ADAMTS9: variants seen among roughly 807,000 people sequenced by gnomAD.
ADAMTS9 encodes A disintegrin and metalloproteinase with thrombospondin motifs 9.
ADAMTS9 carries 107 observed loss-of-function variants against 257.1 expected under a neutral mutation model. The ratio of observed to expected loss-of-function variants is 0.42; its 90% CI spans 0.36 to 0.49. ADAMTS9 has a LOEUF of 0.49. Among genes scored for constraint, ADAMTS9 ranks in the 20% least tolerant of loss-of-function variants. The pLI is 0.03. For missense variants in ADAMTS9, 2,353 were observed against 2,469.1 expected, an observed-to-expected ratio of 0.95 and a Z score of 1.00; for synonymous variants, 982 against 880.9, an observed-to-expected ratio of 1.11 and a Z score of -2.03.
chr3:64,610,946 C>T (rs772469667), intron 22 of ADAMTS9, among the ~76,000 whole-genome samples: 13 of 151,492 alleles, frequency 8.6e-5, no homozygotes, highest in South Asian at 2.1e-4. Flanking sequence ...CATGGTGGCA[C>T]GCACCTGTAA....
At chr3:64,664,974 T>G (rs1448042420) in intron 3 of ADAMTS9, among the ~76,000 whole-genome samples, 2 of 152,198 alleles carry the variant, frequency 1.3e-5, no homozygotes, top group Admixed American at 6.5e-5. Flanking sequence ...TTAATCATGT[T>G]TACTTAATTA....
At chr3:64,598,383 T>A (rs1287794740) in intron 26 of ADAMTS9, among the ~76,000 whole-genome samples, 1 of 151,254 alleles carries the variant, frequency 6.6e-6, no homozygotes, top group Non-Finnish European at 1.5e-5. Context: ...AGTGGTGCGA[T>A]CACAGGTTAC....
chr3:64,612,204 GA>G (rs112869289), intron 22 of ADAMTS9, among the ~76,000 whole-genome samples: 4,585 of 150,610 alleles, frequency 0.03, 217 homozygotes, highest in African/African-American at 0.1. Context: ...TCAGTTCAAG[GA>G]AAAAAAAAGA....
intron 37 of ADAMTS9, among the ~76,000 whole-genome samples, chr3:64,536,082 G>A (rs1238925675): frequency 6.6e-6 from 1 of 152,116 alleles, no homozygotes; most frequent in African/African-American, 2.4e-5. Context: ...TCTGGACAAT[G>A]CCCCCAGCCG....
intron 38 of ADAMTS9, among the ~76,000 whole-genome samples, chr3:64,529,307 G>C (rs1199770622): frequency 6.6e-6 from 1 of 152,212 alleles, no homozygotes; most frequent in Non-Finnish European, 1.5e-5. Flanking sequence ...CAGCGTTACT[G>C]TTCTTCAAGT....
intron 12 of ADAMTS9, among the ~76,000 whole-genome samples, chr3:64,636,371 G>A (rs1256971179): frequency 6.6e-6 from 1 of 152,168 alleles, no homozygotes; most frequent in East Asian, 1.9e-4. Context: ...TTGAATCCCA[G>A]CTATGCCTCT....
At chr3:64,554,006 C>A (rs2083301170) in intron 30 of ADAMTS9, among the ~76,000 whole-genome samples, 2 of 152,028 alleles carry the variant, frequency 1.3e-5, no homozygotes, top group South Asian at 4.2e-4. Context: ...AATACTTAAC[C>A]ACCCATAGAA....
Position 64,687,716 on chromosome 3 carries a change from T to G in ADAMTS9, c.-59A>C. ...CCCCCTCCCTCCTGCCCTCCTTGGCTGCGGCGGCGACGCGAGGCAGCGGCC... is the reference window on the plus strand; with the variant it reads ...CCCCCTCCCTCCTGCCCTCCTTGGCGGCGGCGGCGACGCGAGGCAGCGGCC... On this transcript the variant is annotated 5_prime_UTR_variant, in exon 1 of 40. Transcript: ENST00000498707. This position sits in a 1 kb window ranked among gnomAD's most constrained non-coding sequence, Gnocchi z 4.4. 1 of 1,303,132 alleles carries G rather than the reference T, an allele frequency of 7.7e-7. No individual in the cohort carries two copies. The highest frequency in any genetic ancestry group is 1.6e-5 in the South Asian group (1 of 61,472). The allele number at this position is 1,303,132 out of a possible 1,614,324, so 80.7% of individuals were successfully genotyped here. A position where few individuals can be genotyped will look rare whatever the true frequency, so the allele number is the denominator to read the frequency against.
chr3:64,671,475 A>G (rs1701486003), intron 3 of ADAMTS9, among the ~76,000 whole-genome samples: 1 of 152,246 alleles, frequency 6.6e-6, no homozygotes, highest in Non-Finnish European at 1.5e-5. Flanking sequence ...AAATGGAAGG[A>G]AAACACTAGG....
At chr3:64,672,901 C>T (rs1471897981) in intron 3 of ADAMTS9, among the ~76,000 whole-genome samples, 1 of 151,892 alleles carries the variant, frequency 6.6e-6, no homozygotes, top group East Asian at 1.9e-4. Flanking sequence ...CTCCTAAGAT[C>T]GTAATACTAA....
At chr3:64,674,653 G>A (rs991898443) in intron 3 of ADAMTS9, among the ~76,000 whole-genome samples, 1 of 152,190 alleles carries the variant, frequency 6.6e-6, no homozygotes, top group Non-Finnish European at 1.5e-5. Context: ...AGGCAGACAA[G>A]TTCCTAGCAT....
intron 38 of ADAMTS9, among the ~76,000 whole-genome samples, chr3:64,529,599 T>C (rs1475232556): frequency 1.3e-5 from 2 of 151,996 alleles, no homozygotes; most frequent in Admixed American, 6.5e-5. Context: ...AGGTATCGAG[T>C]GGGAACAGGA....
intron 28 of ADAMTS9, among the ~76,000 whole-genome samples, chr3:64,591,232 G>A (rs1439646864): frequency 2.6e-5 from 4 of 152,124 alleles, no homozygotes; most frequent in Admixed American, 1.3e-4. Flanking sequence ...CTGAAGTCAT[G>A]AGTTTGAAAC....
At chr3:64,654,680 A>C in intron 6 of ADAMTS9, 68 bp from the exon 7 acceptor site, 9 of 1,545,648 alleles carry the variant, frequency 5.8e-6, no homozygotes, top group Non-Finnish European at 8.0e-6. Flanking sequence ...TAAATACTTT[A>C]GGGTCGTCTA....
intron 38 of ADAMTS9, among the ~76,000 whole-genome samples, chr3:64,528,331 CGT>C (rs1559747596): frequency 5.9e-5 from 9 of 152,114 alleles, no homozygotes; most frequent in Middle Eastern, 3.2e-3. Context: ...CATTCCCACA[CGT>C]TGGAGAGTTG....
chr3:64,545,894 C>T (rs113777448), intron 32 of ADAMTS9, among the ~76,000 whole-genome samples: 1,852 of 152,290 alleles, frequency 0.012, 33 homozygotes, highest in African/African-American at 0.04. Context: ...CCATGCCTGG[C>T]TGCCTGACAA....
chr3:64,552,575 CTTTT>C (rs113655800), intron 30 of ADAMTS9, among the ~76,000 whole-genome samples: 1 of 139,250 alleles, frequency 7.2e-6, no homozygotes, highest in Non-Finnish European at 1.6e-5. Context: ...CTTTTCTTTC[CTTTT>C]TTTTTTTTTT....
chr3:64,615,648 C>G (rs1227848874), intron 20 of ADAMTS9, among the ~76,000 whole-genome samples, 163 bp from the exon 21 acceptor site: 1 of 151,932 alleles, frequency 6.6e-6, no homozygotes, highest in African/African-American at 2.4e-5. Context: ...GTTTGCTTAC[C>G]AGGTTTATAA....
chr3:64,530,958 T>C (rs2082973531), intron 38 of ADAMTS9, among the ~76,000 whole-genome samples: 1 of 152,158 alleles, frequency 6.6e-6, no homozygotes, highest in African/African-American at 2.4e-5. Context: ...TGTATAGATT[T>C]TGGAGGGAAG....
Sources: allele counts gnomAD v4.1 joint callset (sites outside exome capture counted in the v4.1 genomes callset), GRCh38; gene constraint gnomAD v4.1.1; non-coding constraint Gnocchi (gnomAD v3.1); transcripts MANE v1.5; gene names NCBI Gene and HGNC (gene_info 2026-07-23, HGNC 2026-07-21).